The following GET4 variants were observed in gnomAD, a reference collection of about 807,000 sequenced individuals.
The protein encoded by GET4 is Golgi to ER traffic protein 4 homolog.
A neutral mutation model predicts 40.0 loss-of-function variants in GET4; 20 were observed. That is an observed-to-expected ratio of 0.50 (90% CI 0.35 to 0.73). The LOEUF (loss-of-function observed/expected upper bound fraction) is 0.73, where lower values mean the gene tolerates loss of function less well. Ranked by LOEUF, GET4 falls within the 30% of genes least tolerant of loss-of-function variation. The pLI is 0.01. For missense variants in GET4, 557 were observed against 454.0 expected, an observed-to-expected ratio of 1.23 and a Z score of -2.06; for synonymous variants, 280 against 194.6, an observed-to-expected ratio of 1.44 and a Z score of -3.65.
intron 5 of GET4, among the ~76,000 whole-genome samples, chr7:891,878 C>T (rs1428374246): frequency 2.0e-5 from 3 of 152,276 alleles, no homozygotes; most frequent in Non-Finnish European, 4.4e-5. Context: ...CTGAGCCCTC[C>T]CTGTGGGTCC....
In GET4 at chr7:895,611, C is replaced by A. The variant is rs536015519; in HGVS notation, c.*189C>A. 4.4e-6 allele frequency: 2 copies of A among 451,620 alleles called. No homozygotes were observed. Among genetic ancestry groups the A allele is most frequent in the Non-Finnish European group, 7.9e-6 (2 of 251,816 alleles). The allele number at this position is 451,620 out of a possible 1,614,324, so 28.0% of individuals were successfully genotyped here. A position where few individuals can be genotyped will look rare whatever the true frequency, so the allele number is the denominator to read the frequency against. ...GCTGCTGCTCACTGTGCTGCTGGGA[C>A]CCAAGAGTGGGGCGTCGCCCCTGCT... On this transcript the variant is annotated 3_prime_UTR_variant, in exon 9 of 9. Coordinates refer to ENST00000265857, the MANE Select transcript of GET4 (RefSeq NM_015949.3).
intron 1 of GET4, among the ~76,000 whole-genome samples, chr7:879,131 C>T (rs973656522): frequency 6.6e-6 from 1 of 152,212 alleles, no homozygotes; most frequent in Non-Finnish European, 1.5e-5. Flanking sequence ...TATTTTCTTT[C>T]CATAGCAAGT....
chr7:886,889 G>T, intron 3 of GET4: 1 of 566,246 alleles, frequency 1.8e-6, no homozygotes, highest in Non-Finnish European at 3.2e-6. Context: ...GCATGACTGG[G>T]GCCCTGTCCT....
intron 1 of GET4, chr7:880,285 G>C (rs1844057987): frequency 6.6e-6 from 1 of 152,442 alleles, no homozygotes; most frequent in East Asian, 1.9e-4. Flanking sequence ...AGGTTGTGGT[G>C]AGCCGAGGTC....
chr7:883,537 T>TA, intron 1 of GET4: 2 of 985,300 alleles, frequency 2.0e-6, no homozygotes, highest in Non-Finnish European at 2.4e-6. Flanking sequence ...GCTCTGTGGA[T>TA]ACAGATGTTT....
chr7:893,527 G>A (rs1467867509), intron 6 of GET4, among the ~76,000 whole-genome samples: 1 of 134,710 alleles, frequency 7.4e-6, no homozygotes, highest in Non-Finnish European at 1.6e-5. Flanking sequence ...TGAGTGTTGG[G>A]TGTAGGCGTG....
intron 3 of GET4, chr7:887,092 C>T: frequency 1.6e-6 from 1 of 637,308 alleles, no homozygotes; most frequent in Admixed American, 2.1e-5. Context: ...CCCAGAGCGG[C>T]CACAGCTGTT....
chr7:893,840 A>T, intron 7 of GET4, 25 bp downstream of exon 7: 1 of 1,607,268 alleles, frequency 6.2e-7, no homozygotes, highest in South Asian at 1.1e-5. Context: ...CTGGGGAGGG[A>T]GGAGGGGACC....
Position 896,280 on chromosome 7 carries a change from G to A in GET4, c.*858G>A, listed in dbSNP as rs752091403. On this transcript the variant is annotated 3_prime_UTR_variant, in exon 9 of 9. Coordinates refer to ENST00000265857, the MANE Select transcript of GET4 (RefSeq NM_015949.3). ...AAATGTTACCAGAACGATGACAAAA[G>A]GGGAGACGCTCTATTTTTTCACAGT... is the stretch of plus-strand genomic sequence containing the variant. The A allele has an allele frequency of 8.5e-5, 13 of 152,240 alleles. No homozygotes were observed. The highest frequency in any genetic ancestry group is 1.3e-4 in the Non-Finnish European group (9 of 68,044). 9.4% of individuals were successfully genotyped at this position (152,240 alleles called of 1,614,324 possible).
rs773103502 is a variant in GET4, at chr7:887,355, C to A, written c.317-15C>A. The A allele has an allele frequency of 5.1e-6, 8 of 1,575,266 alleles. No individual in the cohort carries two copies. The highest frequency in any genetic ancestry group is 4.7e-5 in the South Asian group (4 of 85,680). On this transcript the variant is annotated splice_polypyrimidine_tract_variant and intron_variant, in intron 3 of 8. Transcript: ENST00000265857. ...GGCCGTGCGTTCCTCTGATGAGGGTCTGTGCTGTTTGCAGAAAATCTGGCT... is the reference window on the plus strand; with the variant it reads ...GGCCGTGCGTTCCTCTGATGAGGGTATGTGCTGTTTGCAGAAAATCTGGCT...
chr7:885,932 C>A (rs1261242109), intron 1 of GET4, 124 bp from the exon 2 acceptor site: 3 of 697,136 alleles, frequency 4.3e-6, no homozygotes, highest in Admixed American at 2.1e-5. Context: ...GCCCTGGGAG[C>A]GGCTGCTTTT....
Position 892,373 on chromosome 7 carries a change from A to G in GET4, c.701A>G (p.Glu234Gly), listed in dbSNP as rs1195589369. ...PSIEDGPPFV[E>G]PLLNFIWFLL... is the part of the protein sequence containing the mutation. ...ATCGAGGACGGGCCTCCGTTTGTGG[A>G]GCCGCTGCTTAACTTCATCTGGTTC... The change falls in exon 6 of 9, where the codon GAG (glutamate) becomes GGG (glycine). Residue 234 changes from glutamate (E) to glycine (G), a missense_variant. Transcript: ENST00000265857. The G allele has an allele frequency of 6.3e-7, 1 of 1,593,900 alleles. No individual in the cohort carries two copies. The highest frequency in any genetic ancestry group is 8.6e-7 in the Non-Finnish European group (1 of 1,163,256).
chr7:890,542 G>C (rs1844297325), intron 4 of GET4, among the ~76,000 whole-genome samples: 1 of 152,096 alleles, frequency 6.6e-6, no homozygotes, highest in Admixed American at 6.5e-5. Context: ...TTCTGCTGTT[G>C]ATCTACATCC....
intron 4 of GET4, among the ~76,000 whole-genome samples, chr7:887,936 T>G (rs1019475498): frequency 2.0e-5 from 3 of 152,064 alleles, no homozygotes; most frequent in African/African-American, 7.2e-5. Flanking sequence ...GGTCTGGCTG[T>G]CTGCGTGGTG....
intron 1 of GET4, chr7:882,885 G>A: frequency 6.6e-6 from 1 of 152,102 alleles, no homozygotes; most frequent in Non-Finnish European, 1.5e-5. Flanking sequence ...CAGCCCAGGA[G>A]GCTGTGACCT....
intron 1 of GET4, chr7:880,402 C>T (rs931679101): frequency 3.3e-5 from 5 of 152,262 alleles, no homozygotes; most frequent in Non-Finnish European, 5.9e-5. Flanking sequence ...CCGAAATAAA[C>T]ACAGTGTTCC....
chr7:884,013 G>T (rs1844138096), intron 1 of GET4: 2 of 1,145,286 alleles, frequency 1.7e-6, no homozygotes, highest in South Asian at 3.7e-5. Flanking sequence ...CAGGCCGGGG[G>T]CCGTGACCAT....
At position 894,187 on chromosome 7, in the gene GET4, C is replaced by G. The variant is rs554635881; in HGVS notation, c.895+216C>G. The stretch of plus-strand genomic sequence containing the variant: ...GCAGCCCCGTCTCCACTCCAGAGCT[C>G]CCCATCCCTGAGGTGTCTTCCATTT... On this transcript the variant is annotated intron_variant, in intron 8 of 8. Coordinates refer to ENST00000265857, the MANE Select transcript of GET4 (RefSeq NM_015949.3). Among the ~76,000 whole-genome samples, 12 of 151,660 alleles carry G rather than the reference C, an allele frequency of 7.9e-5. No individual in the cohort carries two copies. In the South Asian group the frequency reaches 2.5e-3, roughly 31 times the overall value.
chr7:876,990 G>A (rs1350306726), intron 1 of GET4, among the ~76,000 whole-genome samples, 190 bp downstream of exon 1: 1 of 151,750 alleles, frequency 6.6e-6, no homozygotes, highest in African/African-American at 2.4e-5. Flanking sequence ...TGTGTGGCCC[G>A]GCGCCCCCGT....
Sources: allele counts gnomAD v4.1 joint callset (sites outside exome capture counted in the v4.1 genomes callset), GRCh38; gene constraint gnomAD v4.1.1; transcripts MANE v1.5; gene names NCBI Gene and HGNC (gene_info 2026-07-23, HGNC 2026-07-21).